The following IMMP1L variants were observed in gnomAD, a reference collection of about 807,000 sequenced individuals.
IMMP1L encodes inner mitochondrial membrane peptidase subunit 1.
IMMP1L carries 24 observed loss-of-function variants against 21.8 expected under a neutral mutation model. That is an observed-to-expected ratio of 1.10 (90% CI 0.80 to 1.55). The LOEUF (loss-of-function observed/expected upper bound fraction) is 1.55, where lower values mean the gene tolerates loss of function less well. Among genes scored for constraint, IMMP1L ranks in the 40% most tolerant of loss-of-function variants. The pLI is 0.00. For missense variants in IMMP1L, 195 were observed against 200.7 expected (o/e 0.97, Z 0.17); for synonymous variants, 46 against 62.8 (o/e 0.73, Z 1.26).
intron 1 of IMMP1L, among the ~76,000 whole-genome samples, chr11:31,483,273 C>G (rs1019340984): frequency 1.3e-5 from 2 of 152,046 alleles, no homozygotes; most frequent in East Asian, 1.9e-4. Context: ...AATCATTAGG[C>G]TATCCACTCA....
At chr11:31,460,201 G>A (rs570869619) in intron 3 of IMMP1L, among the ~76,000 whole-genome samples, 27 of 151,926 alleles carry the variant, frequency 1.8e-4, no homozygotes, top group African/African-American at 6.0e-4. Flanking sequence ...ACCATCAAAC[G>A]GTCATCATAG....
At chr11:31,483,567 T>A (rs953775902) in intron 1 of IMMP1L, among the ~76,000 whole-genome samples, 1 of 151,988 alleles carries the variant, frequency 6.6e-6, no homozygotes, top group Non-Finnish European at 1.5e-5. Context: ...AGATATCCAG[T>A]CTTCGTGTTG....
At chr11:31,508,356 T>G (rs1955857976) in intron 1 of IMMP1L, among the ~76,000 whole-genome samples, 1 of 152,192 alleles carries the variant, frequency 6.6e-6, no homozygotes, top group African/African-American at 2.4e-5. Flanking sequence ...TTTATTACCA[T>G]AGGTCTAAAA....
intron 1 of IMMP1L, among the ~76,000 whole-genome samples, chr11:31,492,614 T>C (rs1449527914): frequency 6.6e-6 from 1 of 152,204 alleles, no homozygotes; most frequent in Non-Finnish European, 1.5e-5. Flanking sequence ...AAGTGACAAA[T>C]ATGCCATGCT....
intron 2 of IMMP1L, 98 bp from the exon 3 acceptor site, chr11:31,460,812 G>T: frequency 1.1e-6 from 1 of 884,412 alleles, no homozygotes; most frequent in Non-Finnish European, 1.8e-6. Flanking sequence ...TCAAGCAAAT[G>T]TTCCTAAAGC....
intron 1 of IMMP1L, among the ~76,000 whole-genome samples, chr11:31,471,148 G>T (rs1223082): frequency 0.088 from 13,342 of 152,232 alleles, 1,610 homozygotes; most frequent in African/African-American, 0.27. Context: ...ATAAATGTTT[G>T]AGGTGATAGA....
In IMMP1L at chr11:31,482,823, A is replaced by G. The variant is rs148850850; in HGVS notation, c.-29-19518T>C. On this transcript the variant is annotated intron_variant, in intron 1 of 5. Coordinates refer to ENST00000532287, the MANE Select transcript of IMMP1L (RefSeq NM_001304274.2). ...AAAGCTGAACATATATATGTTGCTGACCAGTAATTTTGCTCCCAGATATAT... is the reference window on the plus strand; with the variant it reads ...AAAGCTGAACATATATATGTTGCTGGCCAGTAATTTTGCTCCCAGATATAT... 3.8e-4 allele frequency among the ~76,000 whole-genome samples: 58 copies of G among 152,136 alleles called. No individual in the cohort carries two copies. In the East Asian group the frequency reaches 0.011, roughly 29 times the overall value.
chr11:31,490,903 C>G (rs1955232123), intron 1 of IMMP1L, among the ~76,000 whole-genome samples: 1 of 152,118 alleles, frequency 6.6e-6, no homozygotes, highest in Non-Finnish European at 1.5e-5. Flanking sequence ...CACAGGAAGA[C>G]ACAGAGAAAA....
intron 1 of IMMP1L, among the ~76,000 whole-genome samples, chr11:31,468,765 A>C (rs1416564627): frequency 6.6e-6 from 1 of 152,196 alleles, no homozygotes. Flanking sequence ...AGAAAAATAT[A>C]GTAAAGTGAT....
At chr11:31,481,999 C>T (rs1263248501) in intron 1 of IMMP1L, among the ~76,000 whole-genome samples, 1 of 152,026 alleles carries the variant, frequency 6.6e-6, no homozygotes, top group East Asian at 1.9e-4. Context: ...CCAAATTCCT[C>T]CCTTAATACT....
Position 31,509,618 on chromosome 11 carries a change from T to C in IMMP1L, c.-129A>G, listed in dbSNP as rs1008293908. ...TCGACCGTCCTTTCGTAGGGCGCAC[T>C]TTTCAGCAATACGCCTTCCGATTGG... On this transcript the variant is annotated 5_prime_UTR_variant, in exon 1 of 6. Coordinates refer to ENST00000532287, the MANE Select transcript of IMMP1L (RefSeq NM_001304274.2). The C allele has an allele frequency of 1.7e-5, 12 of 714,082 alleles. No individual in the cohort carries two copies. In the African/African-American group the frequency reaches 2.0e-4, roughly 12 times the overall value. The allele number at this position is 714,082 out of a possible 1,614,324, so 44.2% of individuals were successfully genotyped here.
At chr11:31,502,710 T>A (rs180798888) in intron 1 of IMMP1L, among the ~76,000 whole-genome samples, 82 of 152,342 alleles carry the variant, frequency 5.4e-4, no homozygotes, top group African/African-American at 1.5e-3. Context: ...GAGACTCTGG[T>A]TGACACGTGA....
At chr11:31,463,383 A>G (rs997747348) in intron 1 of IMMP1L, 78 bp from the exon 2 acceptor site, 3 of 1,300,468 alleles carry the variant, frequency 2.3e-6, no homozygotes, top group Non-Finnish European at 3.0e-6. Context: ...AAAATATTTT[A>G]CAATCACCCA....
chr11:31,448,964 T>C (rs1055920255), intron 4 of IMMP1L: 2 of 985,310 alleles, frequency 2.0e-6, no homozygotes, highest in African/African-American at 3.5e-5. Flanking sequence ...AACTTCACTT[T>C]AGCAAAAGAG....
intron 1 of IMMP1L, among the ~76,000 whole-genome samples, chr11:31,496,780 ATATAT>A (rs1479184948): frequency 2.7e-5 from 4 of 148,326 alleles, no homozygotes; most frequent in East Asian, 1.9e-4. Flanking sequence ...TAGGATAATC[ATATAT>A]TATAATAGAT....
chr11:31,438,465 C>T (rs1162438895), intron 4 of IMMP1L, among the ~76,000 whole-genome samples: 1 of 152,070 alleles, frequency 6.6e-6, no homozygotes, highest in Non-Finnish European at 1.5e-5. Flanking sequence ...TTCTCCCAGG[C>T]TGCATCTTTT....
At chr11:31,460,153 T>C (rs998129945) in intron 3 of IMMP1L, among the ~76,000 whole-genome samples, 1 of 151,846 alleles carries the variant, frequency 6.6e-6, no homozygotes, top group Admixed American at 6.6e-5. Flanking sequence ...CAAGACCTCA[T>C]CCAAAAAATG....
At chr11:31,476,828 AT>A (rs1954746161) in intron 1 of IMMP1L, among the ~76,000 whole-genome samples, 1 of 152,106 alleles carries the variant, frequency 6.6e-6, no homozygotes, top group Admixed American at 6.5e-5. Context: ...TTAGAAAAAA[AT>A]ATTAAAATAA....
At chr11:31,475,597 T>C (rs959755141) in intron 1 of IMMP1L, among the ~76,000 whole-genome samples, 2 of 152,190 alleles carry the variant, frequency 1.3e-5, no homozygotes, top group Non-Finnish European at 2.9e-5. Context: ...TCTCATTTCA[T>C]CGTATATCCC....
Sources: gnomAD v4.1 joint callset for allele counts (sites outside exome capture counted in the v4.1 genomes callset) on GRCh38, gnomAD v4.1.1 for gene constraint, MANE v1.5 for transcripts, NCBI Gene and HGNC (gene_info 2026-07-23, HGNC 2026-07-21) for gene names.